BAALC: variants seen among roughly 807,000 people sequenced by gnomAD.
BAALC encodes BAALC binder of MAP3K1 and KLF4, also known as brain and acute leukemia cytoplasmic protein.
BAALC carries 9 observed loss-of-function variants against 15.5 expected under a neutral mutation model. That is an observed-to-expected ratio of 0.58 (90% confidence interval 0.35 to 1.02). The LOEUF is 1.02. BAALC is among the 50% of genes least tolerant of loss of function. The pLI, the probability that BAALC is intolerant of heterozygous loss-of-function variation, is 0.02. For synonymous variants in BAALC, 80 were observed against 74.6 expected, an observed-to-expected ratio of 1.07 and a Z score of -0.37; for missense variants, 201 against 192.4, an observed-to-expected ratio of 1.04 and a Z score of -0.27.
At chr8:103,150,390 T>TGC (rs747384695) in intron 1 of BAALC, among the ~76,000 whole-genome samples, 2 of 151,868 alleles carry the variant, frequency 1.3e-5, no homozygotes, top group African/African-American at 2.4e-5. Flanking sequence ...TGTCTGTGTG[T>TGC]GTGTGTGTGC....
chr8:103,171,364 G>A (rs923077443), intron 1 of BAALC, among the ~76,000 whole-genome samples: 7 of 141,694 alleles, frequency 4.9e-5, no homozygotes, highest in African/African-American at 1.9e-4. Flanking sequence ...AAGGAAGGAA[G>A]GAGAAAGAAA....
At chr8:103,143,291 C>T (rs1360694224) in intron 1 of BAALC, among the ~76,000 whole-genome samples, 1 of 152,126 alleles carries the variant, frequency 6.6e-6, no homozygotes, top group Admixed American at 6.5e-5. Flanking sequence ...TCACTTCCAC[C>T]TCACCCACCC....
Position 103,228,082 on chromosome 8 carries a change from A to G in BAALC, c.421A>G (p.Lys141Glu). The change falls in exon 3 of 3, where the codon AAG becomes GAG. Residue 141 changes from lysine to glutamate, a missense_variant. By Grantham distance (56) the Lys-to-Glu change is moderately conservative. Transcript: ENST00000309982. ...QQMDRSRRIT[K>E]NCVN ...GATGGACAGAAGTCGAAGAATCACA[A>G]AGAACTGTGTCAACTAGCAGAGAGT... The G allele has an allele frequency of 6.2e-7, 1 of 1,611,466 alleles. No individual in the cohort carries two copies. Among genetic ancestry groups the G allele is most frequent in the Non-Finnish European group, 8.5e-7 (1 of 1,177,898 alleles).
intron 1 of BAALC, among the ~76,000 whole-genome samples, chr8:103,155,775 G>C (rs187949297): frequency 8.5e-5 from 13 of 152,308 alleles, no homozygotes; most frequent in African/African-American, 3.1e-4. Flanking sequence ...TTGGTAGTGG[G>C]AGTGCAGCTA....
At chr8:103,181,296 A>G (rs752617060) in intron 1 of BAALC, among the ~76,000 whole-genome samples, 7 of 152,096 alleles carry the variant, frequency 4.6e-5, no homozygotes, top group Non-Finnish European at 1.0e-4. Context: ...TTTTTGAGAC[A>G]GAGTCTCGCT....
chr8:103,188,796 A>G (rs960112406), intron 1 of BAALC, among the ~76,000 whole-genome samples: 7 of 152,340 alleles, frequency 4.6e-5, no homozygotes, highest in African/African-American at 1.2e-4. Context: ...AACAGTGAGA[A>G]AGGAGTACAT....
chr8:103,156,180 G>T (rs969732169), intron 1 of BAALC, among the ~76,000 whole-genome samples: 2 of 152,190 alleles, frequency 1.3e-5, no homozygotes, highest in African/African-American at 4.8e-5. Context: ...CATAGGATTT[G>T]CAGTTACTAG....
chr8:103,177,638 A>G (rs1386240083), intron 1 of BAALC, among the ~76,000 whole-genome samples: 1 of 152,176 alleles, frequency 6.6e-6, no homozygotes, highest in African/African-American at 2.4e-5. Context: ...AAATAGGGCA[A>G]GGTGGTGCTT....
chr8:103,223,337 C>T (rs192975888), intron 2 of BAALC, among the ~76,000 whole-genome samples: 16 of 152,268 alleles, frequency 1.1e-4, no homozygotes, highest in South Asian at 4.1e-4. Flanking sequence ...CAAAACTTAT[C>T]GGCCCTGGAT....
At chr8:103,223,500 C>T (rs1051519113) in intron 2 of BAALC, among the ~76,000 whole-genome samples, 1 of 152,178 alleles carries the variant, frequency 6.6e-6, no homozygotes, top group Non-Finnish European at 1.5e-5. Flanking sequence ...CTTGCTGCAG[C>T]TAACTGGTAG....
intron 1 of BAALC, among the ~76,000 whole-genome samples, chr8:103,204,656 CAT>C (rs1195756009): frequency 6.6e-5 from 10 of 152,142 alleles, no homozygotes; most frequent in Non-Finnish European, 1.3e-4. Context: ...TGTCATAGCA[CAT>C]GTGTTGAAAA....
chr8:103,174,603 G>A (rs1811567718), intron 1 of BAALC, among the ~76,000 whole-genome samples: 1 of 152,224 alleles, frequency 6.6e-6, no homozygotes, highest in South Asian at 2.1e-4. Flanking sequence ...GTAATTCATA[G>A]ATGTTTGGAT....
At chr8:103,159,980 T>C (rs1320885983) in intron 1 of BAALC, among the ~76,000 whole-genome samples, 1 of 152,212 alleles carries the variant, frequency 6.6e-6, no homozygotes, top group Non-Finnish European at 1.5e-5. Context: ...TTTGTATTGA[T>C]ATTATCAATT....
chr8:103,209,758 C>T (rs1272916457), intron 1 of BAALC, among the ~76,000 whole-genome samples: 1 of 152,238 alleles, frequency 6.6e-6, no homozygotes, highest in Non-Finnish European at 1.5e-5. Flanking sequence ...TTAGTTTGCA[C>T]CCTGCTCAAT....
At chr8:103,170,074 T>C (rs1811443792) in intron 1 of BAALC, among the ~76,000 whole-genome samples, 2 of 152,206 alleles carry the variant, frequency 1.3e-5, no homozygotes, top group Non-Finnish European at 2.9e-5. Context: ...CCTTCCCAGC[T>C]TCCAAAATTT....
chr8:103,215,264 T>C (rs140035557), intron 2 of BAALC, among the ~76,000 whole-genome samples: 2,128 of 152,306 alleles, frequency 0.014, 22 homozygotes, highest in Non-Finnish European at 0.024. Flanking sequence ...ATTATCCCCA[T>C]TTTATAGACA....
intron 1 of BAALC, among the ~76,000 whole-genome samples, chr8:103,160,590 G>A (rs1811203357): frequency 6.6e-6 from 1 of 152,058 alleles, no homozygotes; most frequent in Non-Finnish European, 1.5e-5. Flanking sequence ...ATTGCTGGGT[G>A]GCTGTATGAG....
At chr8:103,227,898 A>C (rs1812841327) in intron 2 of BAALC, 91 bp from the exon 3 acceptor site, 7 of 849,884 alleles carry the variant, frequency 8.2e-6, no homozygotes, top group Non-Finnish European at 1.3e-5. Context: ...ACTATGGCAC[A>C]ATAAACCTCT....
chr8:103,150,596 T>G (rs1205721434), intron 1 of BAALC, among the ~76,000 whole-genome samples: 1 of 152,240 alleles, frequency 6.6e-6, no homozygotes, highest in Non-Finnish European at 1.5e-5. Flanking sequence ...TAGGTTTTTC[T>G]TAATCTAACA....
Sources: gnomAD v4.1 joint callset for allele counts (sites outside exome capture counted in the v4.1 genomes callset) on GRCh38, gnomAD v4.1.1 for gene constraint, MANE v1.5 for transcripts, NCBI Gene and HGNC (gene_info 2026-07-23, HGNC 2026-07-21) for gene names.